The following GTF3C1 variants were observed in gnomAD, a reference collection of about 807,000 sequenced individuals.
GTF3C1 encodes general transcription factor IIIC subunit 1, also known as general transcription factor 3C polypeptide 1.
In GTF3C1, 57 loss-of-function variants were observed where a neutral mutation model predicts 226.7. The ratio of observed to expected loss-of-function variants is 0.25; its 90% CI spans 0.20 to 0.31. The LOEUF is 0.31. GTF3C1 is among the 10% of genes least tolerant of loss of function. The pLI is 1.00. For synonymous variants in GTF3C1, 1,090 were observed against 1,084.8 expected (o/e 1.00, Z -0.09); for missense variants, 2,217 against 2,776.1 (o/e 0.80, Z 4.53).
intron 2 of GTF3C1, among the ~76,000 whole-genome samples, chr16:27,541,218 C>T (rs537829083): frequency 6.6e-6 from 1 of 152,298 alleles, no homozygotes. Flanking sequence ...TGCACGGTTA[C>T]AGAGGCATGA....
chr16:27,482,482 C>G, intron 26 of GTF3C1: 1 of 456,106 alleles, frequency 2.2e-6, no homozygotes, highest in South Asian at 1.5e-5. Flanking sequence ...CCTGCAATGG[C>G]CATGTACTTC....
At position 27,470,484 on chromosome 16, in the gene GTF3C1, T is replaced by C. The variant is rs1034917218; in HGVS notation, c.4527-89A>G. On this transcript the variant is annotated intron_variant, in intron 30 of 36. Transcript: ENST00000356183. The surrounding 1 kb of genome is among the most constrained non-coding windows in gnomAD (Gnocchi z 4.9). ...GGACTATGAGCACGTCAAACCATTATGGTGAGAACTAAGCAAAACGCCCCA... is the reference window on the plus strand; with the variant it reads ...GGACTATGAGCACGTCAAACCATTACGGTGAGAACTAAGCAAAACGCCCCA... 35 of 1,055,238 alleles carry C rather than the reference T, an allele frequency of 3.3e-5. No homozygotes were observed. Among genetic ancestry groups the C allele is most frequent in the African/African-American group, 1.3e-4 (8 of 63,032 alleles). The allele number at this position is 1,055,238 out of a possible 1,614,324, so 65.4% of individuals were successfully genotyped here.
At chr16:27,513,523 TG>T (rs1188224236) in intron 6 of GTF3C1, among the ~76,000 whole-genome samples, 1 of 152,088 alleles carries the variant, frequency 6.6e-6, no homozygotes, top group Non-Finnish European at 1.5e-5. Flanking sequence ...CGTGAGAGAC[TG>T]GAAGATGCTA....
intron 29 of GTF3C1, among the ~76,000 whole-genome samples, chr16:27,472,747 C>T (rs911364049): frequency 5.3e-5 from 8 of 152,246 alleles, no homozygotes; most frequent in Non-Finnish European, 1.2e-4. Flanking sequence ...GCTGATTCCT[C>T]AACATTCAGG....
chr16:27,534,811 A>G (rs557025785), intron 4 of GTF3C1, among the ~76,000 whole-genome samples: 1 of 152,178 alleles, frequency 6.6e-6, no homozygotes, highest in African/African-American at 2.4e-5. Context: ...CTTGGACAAC[A>G]TGGGTTTGAA....
At chr16:27,537,326 A>C (rs1253096975) in intron 4 of GTF3C1, among the ~76,000 whole-genome samples, 2 of 152,242 alleles carry the variant, frequency 1.3e-5, no homozygotes, top group East Asian at 3.8e-4. Flanking sequence ...CTAGTTTTCT[A>C]AACAAGCAGG....
chr16:27,534,273 G>A (rs1300962080), intron 4 of GTF3C1, among the ~76,000 whole-genome samples: 1 of 152,194 alleles, frequency 6.6e-6, no homozygotes, highest in Admixed American at 6.5e-5. Context: ...AGCAAAGGAA[G>A]CTATTTAAAA....
intron 6 of GTF3C1, 111 bp downstream of exon 6, chr16:27,528,487 A>C: frequency 2.4e-6 from 2 of 847,638 alleles, no homozygotes; most frequent in Non-Finnish European, 3.8e-6. Context: ...TAAATATGTG[A>C]AATCATTATG....
rs755827650 is a variant in GTF3C1, at chr16:27,538,343, G to C, written c.445C>G (p.Leu149Val). 1 of 1,537,598 alleles carries C rather than the reference G, an allele frequency of 6.5e-7. No individual in the cohort carries two copies. The highest frequency in any genetic ancestry group is 8.8e-7 in the Non-Finnish European group (1 of 1,141,640). Reference protein sequence around the residue: ...VEAFDRWGKKLIIVASQAMRY... With the variant: ...VEAFDRWGKKVIIVASQAMRY... ...ATGGCCTGGGAGGCAACGATGATCA[G>C]TTTCTTCCCCCACCTGCAAATCGGA... is the stretch of plus-strand genomic sequence containing the variant. Residue 149 changes from leucine (L) to valine (V), a missense_variant, in exon 3 of 37, where the codon CTG (leucine) becomes GTG (valine). By Grantham distance (32) the Leu-to-Val change is conservative. Coordinates refer to ENST00000356183, the MANE Select transcript of GTF3C1 (RefSeq NM_001520.4).
chr16:27,477,127 C>T (rs1032433127), intron 28 of GTF3C1, among the ~76,000 whole-genome samples: 60 of 152,286 alleles, frequency 3.9e-4, no homozygotes, highest in Admixed American at 2.9e-3. Context: ...TTCTGCAATG[C>T]GGTCTGAACT....
At chr16:27,529,042 T>C (rs1203731337) in intron 5 of GTF3C1, among the ~76,000 whole-genome samples, 1 of 152,140 alleles carries the variant, frequency 6.6e-6, no homozygotes, top group African/African-American at 2.4e-5. Flanking sequence ...TCATGTTGTT[T>C]TGATTTTTTA....
chr16:27,484,924 G>C (rs546100917), intron 24 of GTF3C1, among the ~76,000 whole-genome samples: 1 of 152,216 alleles, frequency 6.6e-6, no homozygotes, highest in South Asian at 2.1e-4. Flanking sequence ...GGTAAGCGGC[G>C]AGAGTCCATC....
chr16:27,523,432 C>T (rs1050251917), intron 6 of GTF3C1, among the ~76,000 whole-genome samples: 2 of 151,638 alleles, frequency 1.3e-5, no homozygotes, highest in South Asian at 2.1e-4. Context: ...TGAAATAATA[C>T]ATCATCTTTA....
Position 27,538,156 on chromosome 16 carries a change from AGAGAAGC to A in GTF3C1, c.608+17_608+23del. The A allele has an allele frequency of 6.7e-7, 1 of 1,491,708 alleles. No homozygotes were observed. Among genetic ancestry groups the A allele is most frequent in the East Asian group, 2.3e-5 (1 of 43,762 alleles). The allele number at this position is 1,491,708 out of a possible 1,614,324, so 92.4% of individuals were successfully genotyped here. On this transcript the variant is annotated intron_variant, in intron 3 of 36. Coordinates refer to ENST00000356183, the MANE Select transcript of GTF3C1 (RefSeq NM_001520.4). ...GGTGCAATGACATATAATTTAAAGC[AGAGAAGC>A]AAATCCCCCCACTTACTTGAAAGCA...
At chr16:27,510,631 G>C (rs1324329392) in intron 7 of GTF3C1, among the ~76,000 whole-genome samples, 2 of 152,136 alleles carry the variant, frequency 1.3e-5, no homozygotes. Flanking sequence ...GGACGTCAAG[G>C]GAGCTACCAA....
Position 27,469,897 on chromosome 16 carries a change from G to A in GTF3C1, c.4814+211C>T, listed in dbSNP as rs183786826. ...CTCTTCCCTGCCCCTCCCCTGCCCC[G>A]CTGTGCTGCGTCCTTCTCTTTGGCT... On this transcript the variant is annotated intron_variant, in intron 31 of 36. Coordinates refer to ENST00000356183, the MANE Select transcript of GTF3C1 (RefSeq NM_001520.4). This position sits in a 1 kb window ranked among gnomAD's most constrained non-coding sequence, Gnocchi z 4.5. Among the ~76,000 whole-genome samples the A allele has an allele frequency of 1.4e-3, 220 of 152,048 alleles. No homozygotes were observed. The highest frequency in any genetic ancestry group is 5.0e-3 in the African/African-American group (206 of 41,462).
chr16:27,493,043 T>C lies in GTF3C1; in HGVS notation c.2876+156A>G, dbSNP rs570626514. Among the ~76,000 whole-genome samples, 6 of 152,370 alleles carry C rather than the reference T, an allele frequency of 3.9e-5. No homozygotes were observed. In the South Asian group the frequency reaches 1.2e-3, roughly 32 times the overall value. ...TCAAGTAATAAAATATACCAGCCCA[T>C]ACTTCATTAATATTAATAACTTAAT... On this transcript the variant is annotated intron_variant, in intron 17 of 36. Coordinates refer to ENST00000356183, the MANE Select transcript of GTF3C1 (RefSeq NM_001520.4).
Position 27,507,196 on chromosome 16 carries a change from G to T in GTF3C1, c.1243-40C>A. The stretch of plus-strand genomic sequence containing the variant: ...ATGTGTTTATCCCACTGCAAAGAGG[G>T]CGTCATACCCACAGGGGTTCAGGTG... On this transcript the variant is annotated intron_variant, in intron 8 of 36. Coordinates refer to ENST00000356183, the MANE Select transcript of GTF3C1 (RefSeq NM_001520.4). The surrounding 1 kb of genome is among the most constrained non-coding windows in gnomAD (Gnocchi z 4.9). The T allele has an allele frequency of 6.9e-7, 1 of 1,452,430 alleles. No homozygotes were observed. Among genetic ancestry groups the T allele is most frequent in the East Asian group, 2.3e-5 (1 of 43,752 alleles). 90.0% of individuals were successfully genotyped at this position (1,452,430 alleles called of 1,614,324 possible).
At chr16:27,510,237 T>A (rs2088553332) in intron 7 of GTF3C1, among the ~76,000 whole-genome samples, 1 of 151,656 alleles carries the variant, frequency 6.6e-6, no homozygotes, top group African/African-American at 2.4e-5. Context: ...TACAAAAAAA[T>A]TAGTGGGGCA....
Sources: allele counts gnomAD v4.1 joint callset (sites outside exome capture counted in the v4.1 genomes callset), GRCh38; gene constraint gnomAD v4.1.1; non-coding constraint Gnocchi (gnomAD v3.1); transcripts MANE v1.5; gene names NCBI Gene and HGNC (gene_info 2026-07-23, HGNC 2026-07-21).